ADORA1: variants seen among roughly 807,000 people sequenced by gnomAD.
ADORA1 encodes adenosine receptor A1.
ADORA1 carries 6 observed loss-of-function variants against 19.9 expected under a neutral mutation model. The observed-to-expected ratio is 0.30, with a 90% confidence interval of 0.17 to 0.59. The LOEUF (loss-of-function observed/expected upper bound fraction) is 0.59. Among genes scored for constraint, ADORA1 ranks in the 20% least tolerant of loss-of-function variants. The pLI is 0.87. For synonymous variants in ADORA1, 194 were observed against 188.4 expected (o/e 1.03, Z -0.24); for missense variants, 302 against 439.2 (o/e 0.69, Z 2.79).
chr1:203,165,537 A>C lies in ADORA1; in HGVS notation c.618A>C (p.Leu206=). The C allele has an allele frequency of 6.2e-7, 1 of 1,613,812 alleles. No homozygotes were observed. The highest frequency in any genetic ancestry group is 1.1e-5 in the South Asian group (1 of 91,042). Reference sequence around the variant, plus strand: ...TCATCTACCTGGAGGTCTTCTACCTAATCCGCAAGCAGCTCAACAAGAAGG... The same window carrying C: ...TCATCTACCTGGAGGTCTTCTACCTCATCCGCAAGCAGCTCAACAAGAAGG... The part of the protein sequence containing the change: ...MVLIYLEVFY[L]IRKQLNKKVS... Residue 206 remains leucine, a synonymous_variant, in exon 4 of 4, where the codon CTA becomes CTC. Transcript: ENST00000337894. The surrounding 1 kb of genome is among the most constrained non-coding windows in gnomAD (Gnocchi z 5.9).
At chr1:203,157,290 C>G (rs927223907) in intron 3 of ADORA1, among the ~76,000 whole-genome samples, 1 of 152,222 alleles carries the variant, frequency 6.6e-6, no homozygotes, top group Non-Finnish European at 1.5e-5. Flanking sequence ...AGGATAGGTT[C>G]CCCATTCCAA....
Position 203,128,407 on chromosome 1 carries a change from AC to A in ADORA1, c.-79del. The stretch of plus-strand genomic sequence containing the variant: ...TGGAACTTTGGGCACTGCCTCTGGG[AC>A]CCCTGCCGGCCAGCAGGCAGGATGG... On this transcript the variant is annotated 5_prime_UTR_variant, in exon 2 of 4. The change creates a premature stop within an existing upstream ORF in the 5' untranslated region. Coordinates refer to ENST00000337894, the MANE Select transcript of ADORA1 (RefSeq NM_000674.3). The surrounding 1 kb of genome is among the most constrained non-coding windows in gnomAD (Gnocchi z 5.9). The A allele has an allele frequency of 7.7e-7, 1 of 1,291,270 alleles. No individual in the cohort carries two copies. Among genetic ancestry groups the A allele is most frequent in the Non-Finnish European group, 1.0e-6 (1 of 990,338 alleles). The allele number at this position is 1,291,270 out of a possible 1,614,324, so 80.0% of individuals were successfully genotyped here.
intron 3 of ADORA1, among the ~76,000 whole-genome samples, chr1:203,141,125 TA>T (rs1654670845): frequency 9.6e-6 from 1 of 104,534 alleles, no homozygotes; most frequent in Non-Finnish European, 2.6e-5. Flanking sequence ...GTGTCAGATT[TA>T]GCCCAGCCCT....
intron 3 of ADORA1, among the ~76,000 whole-genome samples, chr1:203,137,561 G>T (rs532320084): frequency 1.3e-4 from 20 of 152,322 alleles, no homozygotes; most frequent in African/African-American, 4.8e-4. Flanking sequence ...AGTGATTCAG[G>T]TAAGGGAAGA....
At chr1:203,139,372 G>A (rs182200637) in intron 3 of ADORA1, among the ~76,000 whole-genome samples, 6 of 152,258 alleles carry the variant, frequency 3.9e-5, no homozygotes, top group South Asian at 2.1e-4. Flanking sequence ...TCCCATTTTC[G>A]TAGTGAATTG....
At chr1:203,140,390 G>A (rs1399772265) in intron 3 of ADORA1, among the ~76,000 whole-genome samples, 2 of 152,208 alleles carry the variant, frequency 1.3e-5, no homozygotes, top group African/African-American at 2.4e-5. Flanking sequence ...GTGACGATCC[G>A]GGCTTACGGC....
chr1:203,147,494 C>A (rs932982473), intron 3 of ADORA1, among the ~76,000 whole-genome samples: 15 of 152,122 alleles, frequency 9.9e-5, no homozygotes, highest in Admixed American at 9.2e-4. Context: ...GAGAGAGCTC[C>A]TTTTGTGCCC....
chr1:203,133,204 C>T (rs1444107558), intron 3 of ADORA1, among the ~76,000 whole-genome samples: 1 of 151,790 alleles, frequency 6.6e-6, no homozygotes, highest in Non-Finnish European at 1.5e-5. Context: ...ACCTCCACCT[C>T]CCAGGTTCAA....
intron 3 of ADORA1, among the ~76,000 whole-genome samples, chr1:203,131,247 C>A (rs1355250821): frequency 1.3e-5 from 2 of 152,198 alleles, no homozygotes; most frequent in Non-Finnish European, 1.5e-5. Context: ...GGTGTCAACA[C>A]ATACACACGA....
Position 203,128,287 on chromosome 1 carries a change from G to A in ADORA1, c.-203G>A, listed in dbSNP as rs1261556579. The A allele has an allele frequency of 3.1e-6, 4 of 1,272,594 alleles. No homozygotes were observed. Among genetic ancestry groups the A allele is most frequent in the East Asian group, 5.7e-5 (1 of 17,680 alleles). 78.8% of individuals were successfully genotyped at this position (1,272,594 alleles called of 1,614,324 possible). A position where few individuals can be genotyped will look rare whatever the true frequency, so the allele number is the denominator to read the frequency against. On this transcript the variant is annotated 5_prime_UTR_variant, in exon 2 of 4. Transcript: ENST00000337894. The surrounding 1 kb of genome is among the most constrained non-coding windows in gnomAD (Gnocchi z 5.9). Reference sequence around the variant, plus strand: ...TGTGATTGCTTGAAAGGCCGGGCTGGGAGCGCTGCGGCGGGAGCCGGAGGA... The same window carrying A: ...TGTGATTGCTTGAAAGGCCGGGCTGAGAGCGCTGCGGCGGGAGCCGGAGGA...
chr1:203,153,241 C>T (rs34920887), intron 3 of ADORA1, among the ~76,000 whole-genome samples: 2 of 152,328 alleles, frequency 1.3e-5, no homozygotes, highest in South Asian at 4.2e-4. Context: ...CACTGGGGAT[C>T]CCTTTGCTCA....
At chr1:203,129,547 T>C in intron 3 of ADORA1, 1 of 217,200 alleles carries the variant, frequency 4.6e-6, no homozygotes, top group South Asian at 1.3e-4. Flanking sequence ...GCTCTGCCAG[T>C]CCCAGGGAAG....
At chr1:203,147,423 C>T (rs1654892649) in intron 3 of ADORA1, among the ~76,000 whole-genome samples, 1 of 152,158 alleles carries the variant, frequency 6.6e-6, no homozygotes, top group South Asian at 2.1e-4. Flanking sequence ...CCTTCATGAT[C>T]CAAAACAATG....
intron 3 of ADORA1, among the ~76,000 whole-genome samples, chr1:203,148,079 C>T (rs907572272): frequency 1.3e-5 from 2 of 152,184 alleles, no homozygotes; most frequent in African/African-American, 2.4e-5. Context: ...ATTAGCCAGG[C>T]GTGGTGGCGG....
chr1:203,165,546 G>A lies in ADORA1; in HGVS notation c.627G>A (p.Lys209=), dbSNP rs1410587059. ...IYLEVFYLIR[K]QLNKKVSASS... ...TGGAGGTCTTCTACCTAATCCGCAA[G>A]CAGCTCAACAAGAAGGTGTCGGCCT... Residue 209 remains lysine, a synonymous_variant, in exon 4 of 4, where the codon AAG becomes AAA. Coordinates refer to ENST00000337894, the MANE Select transcript of ADORA1 (RefSeq NM_000674.3). The surrounding 1 kb of genome is among the most constrained non-coding windows in gnomAD (Gnocchi z 5.9). 5.6e-6 allele frequency: 9 copies of A among 1,613,936 alleles called. No homozygotes were observed. Among genetic ancestry groups the A allele is most frequent in the Non-Finnish European group, 7.6e-6 (9 of 1,179,848 alleles).
intron 3 of ADORA1, among the ~76,000 whole-genome samples, chr1:203,159,346 A>G (rs1473024839): frequency 1.3e-5 from 2 of 152,174 alleles, no homozygotes; most frequent in Non-Finnish European, 2.9e-5. Context: ...TAAACCCCAG[A>G]ACACTTGCTG....
chr1:203,151,124 GC>G lies in ADORA1; in HGVS notation c.342-14136del, dbSNP rs1310092267. On this transcript the variant is annotated intron_variant, in intron 3 of 3. Coordinates refer to ENST00000337894, the MANE Select transcript of ADORA1 (RefSeq NM_000674.3). ...CAGGCAGATGCCCTGTACCCTGCAA[GC>G]GTTCAGGGTTCCAGGCAAGCCAAGA... Among the ~76,000 whole-genome samples the G allele has an allele frequency of 4.6e-5, 7 of 152,332 alleles. No homozygotes were observed. In the East Asian group the frequency reaches 1.3e-3, roughly 29 times the overall value.
Position 203,165,933 on chromosome 1 carries a change from A to T in ADORA1, c.*33A>T, listed in dbSNP as rs769134627. The T allele has an allele frequency of 1.8e-5, 28 of 1,523,970 alleles. No individual in the cohort carries two copies. Among genetic ancestry groups the T allele is most frequent in the Non-Finnish European group, 2.5e-5 (28 of 1,137,122 alleles). 94.4% of individuals were successfully genotyped at this position (1,523,970 alleles called of 1,614,324 possible). A position where few individuals can be genotyped will look rare whatever the true frequency, so the allele number is the denominator to read the frequency against. The stretch of plus-strand genomic sequence containing the variant: ...CTTCCGCTCCCACCAGCCCACATCC[A>T]GTGGGGTCTCAGTCCAGTCCTCACA... On this transcript the variant is annotated 3_prime_UTR_variant, in exon 4 of 4. Coordinates refer to ENST00000337894, the MANE Select transcript of ADORA1 (RefSeq NM_000674.3). This position sits in a 1 kb window ranked among gnomAD's most constrained non-coding sequence, Gnocchi z 5.9.
In ADORA1 at chr1:203,128,667, G is replaced by C; in HGVS notation, c.-57-118G>C. The C allele has an allele frequency of 8.0e-7, 1 of 1,252,566 alleles. No homozygotes were observed. Among genetic ancestry groups the C allele is most frequent in the Non-Finnish European group, 1.1e-6 (1 of 929,690 alleles). 77.6% of individuals were successfully genotyped at this position (1,252,566 alleles called of 1,614,324 possible). A position where few individuals can be genotyped will look rare whatever the true frequency, so the allele number is the denominator to read the frequency against. ...GGGTCCGGGTGCCCCTCCAGCCTGG[G>C]TAGGAGCTGCATGTGACAAGTGGGA... On this transcript the variant is annotated intron_variant, in intron 2 of 3. Coordinates refer to ENST00000337894, the MANE Select transcript of ADORA1 (RefSeq NM_000674.3). The surrounding 1 kb of genome is among the most constrained non-coding windows in gnomAD (Gnocchi z 5.9).
Sources: allele counts gnomAD v4.1 joint callset (sites outside exome capture counted in the v4.1 genomes callset), GRCh38; gene constraint gnomAD v4.1.1; non-coding constraint Gnocchi (gnomAD v3.1); transcripts MANE v1.5; gene names NCBI Gene and HGNC (gene_info 2026-07-23, HGNC 2026-07-21).